The following ZNF888 variants were observed in gnomAD, a reference collection of about 807,000 sequenced individuals.
ZNF888 encodes the protein CTD-2331H12.6.
In ZNF888, 5 loss-of-function variants were observed where a neutral mutation model predicts 7.2. The ratio of observed to expected loss-of-function variants is 0.70; its 90% CI spans 0.36 to 1.46. ZNF888 has a LOEUF of 1.46. ZNF888 is among the 40% of genes most tolerant of loss of function. ZNF888 has a pLI of 0.03. For synonymous variants in ZNF888, 240 were observed against 284.3 expected (o/e 0.84, Z 1.57); for missense variants, 716 against 858.0 (o/e 0.83, Z 2.07).
Position 52,906,261 on chromosome 19 carries a change from C to A in ZNF888, c.2061G>T (p.Glu687Asp), listed in dbSNP as rs2064606239. 13 of 1,611,834 alleles carry A rather than the reference C, an allele frequency of 8.1e-6. No homozygotes were observed. The highest frequency in any genetic ancestry group is 1.3e-5 in the African/African-American group (1 of 75,006). ...CACACTCACTACACTTGAAAGGTTTCTCTCCAGTATGAATTCTAGTATGTT... is the reference window on the plus strand; with the variant it reads ...CACACTCACTACACTTGAAAGGTTTATCTCCAGTATGAATTCTAGTATGTT... ...LAQHTRIHTGEKPFKCSECGK... is the reference protein window; with the variant it reads ...LAQHTRIHTGDKPFKCSECGK... Residue 687 changes from glutamate (E) to aspartate (D), a missense_variant, in exon 5 of 5, where the codon GAG becomes GAT. Physicochemically the swap from Glu to Asp is conservative, Grantham distance 45 (BLOSUM62 2). Transcript: ENST00000638862.
chr19:52,922,284 TGTTA>T (rs1161533849), intron 1 of ZNF888, among the ~76,000 whole-genome samples: 1 of 152,078 alleles, frequency 6.6e-6, no homozygotes, highest in Non-Finnish European at 1.5e-5. Context: ...GAGCTCTCCC[TGTTA>T]AATTCTCTCT....
rs113597459 is a variant in ZNF888 at position 52,910,294 on chromosome 19, A to T, written c.143-2115T>A. ...AGACCAGCCTGGACAACATGGTGAA[A>T]CCCCATCTCTACTAAAAATACAAAA... On this transcript the variant is annotated intron_variant, in intron 4 of 4. Transcript: ENST00000638862. 7.3e-3 allele frequency among the ~76,000 whole-genome samples: 1,114 copies of T among 152,176 alleles called. 21 individuals carry two copies. The highest frequency in any genetic ancestry group is 0.024 in the African/African-American group (1,012 of 41,532).
At chr19:52,918,363 C>T (rs78317594) in intron 2 of ZNF888, 3,078 of 213,980 alleles carry the variant, frequency 0.014, 92 homozygotes, top group African/African-American at 0.069. Context: ...TGGTGGTGCA[C>T]ATCTGTGTTT....
rs935832230 is a variant in ZNF888, at chr19:52,905,670, G to A, written c.*495C>T. Reference sequence around the variant, plus strand: ...AATTAATGCTTGAACTCAACGTTAAGTCAACTCAAACTCAAGTCAATGCTG... The same window carrying A: ...AATTAATGCTTGAACTCAACGTTAAATCAACTCAAACTCAAGTCAATGCTG... On this transcript the variant is annotated 3_prime_UTR_variant, in exon 5 of 5. Coordinates refer to ENST00000638862, the MANE Select transcript of ZNF888 (RefSeq NM_001393938.1). 9.8e-6 allele frequency: 4 copies of A among 408,792 alleles called. No individual in the cohort carries two copies. The highest frequency in any genetic ancestry group is 2.0e-5 in the Non-Finnish European group (4 of 202,732). The allele number at this position is 408,792 out of a possible 1,614,324, so 25.3% of individuals were successfully genotyped here.
chr19:52,907,386 G>A lies in ZNF888; in HGVS notation c.936C>T (p.Ala312=), dbSNP rs965186228. 4 of 1,612,640 alleles carry A rather than the reference G, an allele frequency of 2.5e-6. No homozygotes were observed. The highest frequency in any genetic ancestry group is 3.4e-6 in the Non-Finnish European group (4 of 1,179,276). ...TATGAATTGTCTTGTGAACTAAGAG[G>A]GCTGACTTGTCACTGAACGTCTTGC... ...ECGKTFSDKS[A]LLVHKTIHTG... Residue 312 remains alanine (A), a synonymous_variant, in exon 5 of 5, where the codon GCC becomes GCT. Transcript: ENST00000638862.
At chr19:52,922,268 T>C (rs138869402) in intron 1 of ZNF888, among the ~76,000 whole-genome samples, 1 of 151,674 alleles carries the variant, frequency 6.6e-6, no homozygotes, top group Non-Finnish European at 1.5e-5. Flanking sequence ...TTCTCCCATC[T>C]CTCCTGAGCT....
intron 3 of ZNF888, among the ~76,000 whole-genome samples, chr19:52,915,828 T>C (rs1288667998): frequency 6.6e-6 from 1 of 152,290 alleles, no homozygotes; most frequent in Non-Finnish European, 1.5e-5. Context: ...CCTGTCAGTA[T>C]GAATTTCTTA....
Position 52,906,229 on chromosome 19 carries a change from G to C in ZNF888, c.2093C>G (p.Ala698Gly), listed in dbSNP as rs1391716343. Residue 698 changes from alanine (A) to glycine (G), a missense_variant, in exon 5 of 5, where the codon GCC (alanine) becomes GGC (glycine). Ala to Gly is a moderately conservative substitution (Grantham distance 60). Coordinates refer to ENST00000638862, the MANE Select transcript of ZNF888 (RefSeq NM_001393938.1). ...AATAAGTGTTGACTGTGCACGAAAGGCTTTGCCACACTCACTACACTTGAA... is the reference window on the plus strand; with the variant it reads ...AATAAGTGTTGACTGTGCACGAAAGCCTTTGCCACACTCACTACACTTGAA... ...KPFKCSECGK[A>G]FRAQSTLIHH... 2 of 1,609,952 alleles carry C rather than the reference G, an allele frequency of 1.2e-6. No homozygotes were observed. The highest frequency in any genetic ancestry group is 1.7e-6 in the Non-Finnish European group (2 of 1,177,814).
rs2064589027 is a variant in ZNF888 at position 52,904,831 on chromosome 19, A to G, written c.*1334T>C. 1.3e-5 allele frequency: 2 copies of G among 152,200 alleles called. No homozygotes were observed. The highest frequency in any genetic ancestry group is 2.9e-5 in the Non-Finnish European group (2 of 68,026). 9.4% of individuals were successfully genotyped at this position (152,200 alleles called of 1,614,324 possible). On this transcript the variant is annotated 3_prime_UTR_variant, in exon 5 of 5. Transcript: ENST00000638862. Reference sequence around the variant, plus strand: ...GTATAAAACAATATAAAACAATATGAGAGGGTCTCTCTCTTCCCTCAAAAC... The same window carrying G: ...GTATAAAACAATATAAAACAATATGGGAGGGTCTCTCTCTTCCCTCAAAAC...
At chr19:52,921,641 A>G (rs1034684485) in intron 1 of ZNF888, 6 of 984,130 alleles carry the variant, frequency 6.1e-6, no homozygotes, top group Non-Finnish European at 6.0e-6. Flanking sequence ...AGTAACATTT[A>G]CAAAATGCAA....
Position 52,907,337 on chromosome 19 carries a change from T to C in ZNF888, c.985A>G (p.Asn329Asp). The C allele has an allele frequency of 2.5e-6, 4 of 1,613,800 alleles. No individual in the cohort carries two copies. The South Asian group carries it at 4.4e-5, about 18-fold the overall frequency. ...TGATTAAAAACCTTGCCACATTCAT[T>C]ACACTTGTAAGGTTTCTCTCCAGTA... ...IHTGEKPYKC[N>D]ECGKVFNQQS... The change falls in exon 5 of 5, where the codon AAT (asparagine) becomes GAT (aspartate). Residue 329 changes from asparagine (N) to aspartate (D), a missense_variant. Physicochemically the swap from Asn to Asp is conservative, Grantham distance 23 (BLOSUM62 1). Transcript: ENST00000638862.
chr19:52,906,078 A>C lies in ZNF888; in HGVS notation c.*87T>G, dbSNP rs573872913. 4 of 1,600,222 alleles carry C rather than the reference A, an allele frequency of 2.5e-6. No individual in the cohort carries two copies. Among genetic ancestry groups the C allele is most frequent in the Admixed American group, 1.7e-5 (1 of 59,904 alleles). On this transcript the variant is annotated 3_prime_UTR_variant, in exon 5 of 5. Transcript: ENST00000638862. ...GTCTGAAAAATTTGCCACATTTACT[A>C]CACTTGTAAGATCTCTATTCATTAT... is the stretch of plus-strand genomic sequence containing the variant.
At position 52,907,070 on chromosome 19, in the gene ZNF888, T is replaced by C. The variant is rs1443533689; in HGVS notation, c.1252A>G (p.Thr418Ala). The change falls in exon 5 of 5, where the codon ACG becomes GCG. Residue 418 changes from threonine (T) to alanine (A), a missense_variant. Thr to Ala is a moderately conservative substitution (Grantham distance 58, BLOSUM62 0). Transcript: ENST00000638862. Reference sequence around the variant, plus strand: ...AAGAGGGCTGAATTTTCACCAAACGTTTTGCCACACTCATTACACTTGTAA... The same window carrying C: ...AAGAGGGCTGAATTTTCACCAAACGCTTTGCCACACTCATTACACTTGTAA... The part of the protein sequence containing the change: ...KPYKCNECGK[T>A]FGENSALLVH... 1.2e-6 allele frequency: 2 copies of C among 1,610,368 alleles called. No individual in the cohort carries two copies. Among genetic ancestry groups the C allele is most frequent in the Non-Finnish European group, 1.7e-6 (2 of 1,178,960 alleles).
intron 1 of ZNF888, among the ~76,000 whole-genome samples, chr19:52,922,365 G>T (rs1014928822): frequency 1.3e-5 from 2 of 151,858 alleles, no homozygotes; most frequent in Admixed American, 1.3e-4. Flanking sequence ...TCCCTGCTGT[G>T]GTTCTCCCTC....
Position 52,906,007 on chromosome 19 carries a change from T to G in ZNF888, c.*158A>C. On this transcript the variant is annotated 3_prime_UTR_variant, in exon 5 of 5. Coordinates refer to ENST00000638862, the MANE Select transcript of ZNF888 (RefSeq NM_001393938.1). ...GCCTCAATCATGACATTTGTAAGGT[T>G]TCTCTCCAGTATGAGTTCACCCATG... 7 of 1,145,962 alleles carry G rather than the reference T, an allele frequency of 6.1e-6. No homozygotes were observed. Among genetic ancestry groups the G allele is most frequent in the Non-Finnish European group, 9.2e-6 (7 of 760,428 alleles). The allele number at this position is 1,145,962 out of a possible 1,614,324, so 71.0% of individuals were successfully genotyped here.
Position 52,920,176 on chromosome 19 carries a change from C to T in ZNF888, c.-177-1239G>A, listed in dbSNP as rs2064808381. ...GAGCCCCTCTGCCCGGCCACGACCC[C>T]GTCTGGGACGTGTGCCCAGCGGCTC... On this transcript the variant is annotated intron_variant, in intron 1 of 4. Coordinates refer to ENST00000638862, the MANE Select transcript of ZNF888 (RefSeq NM_001393938.1). Among the ~76,000 whole-genome samples the T allele has an allele frequency of 9.9e-5, 6 of 60,592 alleles. 3 individuals carry two copies. Among genetic ancestry groups the T allele is most frequent in the Non-Finnish European group, 1.5e-4 (4 of 25,920 alleles). 39.8% of individuals were successfully genotyped at this position (60,592 alleles called of 152,430 possible). A position where few individuals can be genotyped will look rare whatever the true frequency, so the allele number is the denominator to read the frequency against.
intron 4 of ZNF888, among the ~76,000 whole-genome samples, chr19:52,909,661 AAAT>A (rs1162849716): frequency 2.0e-5 from 3 of 152,172 alleles, no homozygotes; most frequent in Admixed American, 6.5e-5. Context: ...TTCATTAATC[AAAT>A]AATAAAATAC....
At chr19:52,910,804 A>G (rs895497677) in intron 4 of ZNF888, among the ~76,000 whole-genome samples, 4 of 152,026 alleles carry the variant, frequency 2.6e-5, no homozygotes, top group African/African-American at 9.7e-5. Flanking sequence ...AGTGTAAGCT[A>G]TTTCCTCTTT....
rs1198236159 is a variant in ZNF888 at position 52,905,392 on chromosome 19, T to G, written c.*773A>C. 1 of 149,962 alleles carries G rather than the reference T, an allele frequency of 6.7e-6. No individual in the cohort carries two copies. The highest frequency in any genetic ancestry group is 2.6e-5 in the African/African-American group (1 of 37,830). The allele number at this position is 149,962 out of a possible 1,614,324, so 9.3% of individuals were successfully genotyped here. A position where few individuals can be genotyped will look rare whatever the true frequency, so the allele number is the denominator to read the frequency against. Reference sequence around the variant, plus strand: ...AATCCTATAAAACGGCCCCACCCCATCTCCCTTCCCTGACTCTCTTTTCGG... The same window carrying G: ...AATCCTATAAAACGGCCCCACCCCAGCTCCCTTCCCTGACTCTCTTTTCGG... On this transcript the variant is annotated 3_prime_UTR_variant, in exon 5 of 5. Transcript: ENST00000638862.
Sources: allele counts gnomAD v4.1 joint callset (sites outside exome capture counted in the v4.1 genomes callset), GRCh38; gene constraint gnomAD v4.1.1; transcripts MANE v1.5; gene names NCBI Gene and HGNC (gene_info 2026-07-23, HGNC 2026-07-21).